Variants in MYOM1 observed in about 807,000 individuals in gnomAD.
MYOM1 encodes the protein myomesin 1, also known as myomesin-1.
A neutral mutation model predicts 205.3 loss-of-function variants in MYOM1; 164 were observed. The observed-to-expected ratio is 0.80, with a 90% confidence interval of 0.70 to 0.91. The LOEUF (loss-of-function observed/expected upper bound fraction) is 0.91, where lower values mean the gene tolerates loss of function less well. Ranked by LOEUF, MYOM1 falls within the 40% of genes least tolerant of loss-of-function variation. MYOM1 has a pLI of 0.00. For missense variants in MYOM1, 2,011 were observed against 2,127.3 expected (o/e 0.95, Z 1.08); for synonymous variants, 772 against 789.4 (o/e 0.98, Z 0.37).
chr18:3,092,575 A>G (rs1358356488), intron 26 of MYOM1, among the ~76,000 whole-genome samples: 5 of 149,870 alleles, frequency 3.3e-5, no homozygotes, highest in African/African-American at 1.2e-4. Flanking sequence ...TTTTTTTCCC[A>G]GAATGTAAAG....
chr18:3,116,376 C>T lies in MYOM1; in HGVS notation c.3258G>A (p.Gln1086=), dbSNP rs776698468. ...DLKEAKAKED[Q]WRGLNEAAIK... ...TAGCCGCCTCATTGAGCCCTCGCCACTGGTCTTCTTTGGCCTTGGCCTCCT... is the reference window on the plus strand; with the variant it reads ...TAGCCGCCTCATTGAGCCCTCGCCATTGGTCTTCTTTGGCCTTGGCCTCCT... The change falls in exon 21 of 38, where the codon CAG becomes CAA. Residue 1086 remains glutamine (Q), a synonymous_variant. Coordinates refer to ENST00000356443, the MANE Select transcript of MYOM1 (RefSeq NM_003803.4). 1.2e-6 allele frequency: 2 copies of T among 1,613,190 alleles called. No individual in the cohort carries two copies. The highest frequency in any genetic ancestry group is 4.5e-5 in the East Asian group (2 of 44,878).
At chr18:3,127,101 G>A (rs980803509) in intron 18 of MYOM1, among the ~76,000 whole-genome samples, 1 of 151,754 alleles carries the variant, frequency 6.6e-6, no homozygotes, top group Non-Finnish European at 1.5e-5. Context: ...AAGATAAAAT[G>A]AACCTGTCCT....
chr18:3,150,989 TTTTTTTTTTTTCATTTTTTTCA>T (rs2080211659), intron 12 of MYOM1, among the ~76,000 whole-genome samples: 3 of 149,438 alleles, frequency 2.0e-5, no homozygotes, highest in African/African-American at 7.4e-5. Flanking sequence ...CTTTTTTTTT[TTTTTTTTTTTTCATTTTTTTCA>T]TTTTTTTTTT....
At chr18:3,165,774 T>C (rs1356529576) in intron 9 of MYOM1, among the ~76,000 whole-genome samples, 1 of 152,234 alleles carries the variant, frequency 6.6e-6, no homozygotes, top group Non-Finnish European at 1.5e-5. Flanking sequence ...GTCCCTATGC[T>C]GCCTCCATGC....
chr18:3,171,706 A>G (rs754438046), intron 8 of MYOM1, among the ~76,000 whole-genome samples: 20 of 152,158 alleles, frequency 1.3e-4, no homozygotes, highest in Non-Finnish European at 2.6e-4. Context: ...AAAAATAAAA[A>G]GAAGTACAGT....
In MYOM1 at chr18:3,189,515, T is replaced by C. The variant is rs1255248973; in HGVS notation, c.432-428A>G. ...CTGGGATTACAGGCTCCTGCTACCA[T>C]GCCTGGCTAATATTTTGTAATTTTA... On this transcript the variant is annotated intron_variant, in intron 3 of 37. Transcript: ENST00000356443. This position sits in a 1 kb window ranked among gnomAD's most constrained non-coding sequence, Gnocchi z 4.8. Among the ~76,000 whole-genome samples the C allele has an allele frequency of 1.3e-5, 2 of 152,114 alleles. No homozygotes were observed. Among genetic ancestry groups the C allele is most frequent in the Non-Finnish European group, 2.9e-5 (2 of 68,000 alleles).
At chr18:3,069,181 C>G (rs1241660274) in intron 37 of MYOM1, among the ~76,000 whole-genome samples, 1 of 152,178 alleles carries the variant, frequency 6.6e-6, no homozygotes, top group East Asian at 1.9e-4. Context: ...GGTTTCTCCA[C>G]AGCCTCCCCA....
chr18:3,090,843 A>C (rs747067273), intron 26 of MYOM1, 41 bp from the exon 27 acceptor site: 2 of 1,610,602 alleles, frequency 1.2e-6, no homozygotes, highest in South Asian at 1.1e-5. Flanking sequence ...TCACTGAGGC[A>C]TATATTTTAC....
At chr18:3,231,895 G>T in the MYOM1 span, among the ~76,000 whole-genome samples, 1 of 140,662 alleles carries the variant, frequency 7.1e-6, no homozygotes, top group African/African-American at 2.7e-5. Flanking sequence ...CCTGTTCCTT[G>T]CAATCAAACA....
intron 18 of MYOM1, among the ~76,000 whole-genome samples, chr18:3,128,426 G>A (rs1353074694): frequency 2.0e-5 from 3 of 152,124 alleles, no homozygotes; most frequent in Non-Finnish European, 2.9e-5. Context: ...ATGTCTCCTA[G>A]GATATATTAG....
chr18:3,067,814 A>G (rs2078915481), intron 37 of MYOM1, among the ~76,000 whole-genome samples: 1 of 152,162 alleles, frequency 6.6e-6, no homozygotes, highest in South Asian at 2.1e-4. Context: ...CTTATTATCA[A>G]AAACACACGA....
intron 33 of MYOM1, 126 bp from the exon 34 acceptor site, chr18:3,079,468 G>T: frequency 1.9e-6 from 2 of 1,060,500 alleles, no homozygotes; most frequent in Non-Finnish European, 2.6e-6. Context: ...ATCTGCATAT[G>T]TTATTCTTCT....
At chr18:3,240,957 G>A in the MYOM1 span, among the ~76,000 whole-genome samples, 1 of 152,134 alleles carries the variant, frequency 6.6e-6, no homozygotes, top group South Asian at 2.1e-4. Context: ...AGAGATTTGT[G>A]GAACTCCGAA....
the MYOM1 span, among the ~76,000 whole-genome samples, chr18:3,243,796 T>A: frequency 6.6e-6 from 1 of 152,202 alleles, no homozygotes. Context: ...ATAATGTCTA[T>A]CTCACAGGGT....
rs778477085 is a variant in MYOM1, at chr18:3,193,903, G to C, written c.346C>G (p.Pro116Ala). The C allele has an allele frequency of 9.3e-6, 15 of 1,613,800 alleles. No individual in the cohort carries two copies. In the Admixed American group the frequency reaches 2.5e-4, roughly 27 times the overall value. Residue 116 changes from proline to alanine, a missense_variant, in exon 3 of 38, where the codon CCA (proline) becomes GCA (alanine). Coordinates refer to ENST00000356443, the MANE Select transcript of MYOM1 (RefSeq NM_003803.4). ...AGTAGGCTGTGCTTGGCTCTCTTTG[G>C]TTTGGGGCTCAACTTGGATGAATAA... is the stretch of plus-strand genomic sequence containing the variant. ...DDYSSKLSPK[P>A]KRAKHSLLSG... is the part of the protein sequence containing the mutation.
At chr18:3,148,716 G>T (rs909899716) in intron 13 of MYOM1, among the ~76,000 whole-genome samples, 25 of 151,070 alleles carry the variant, frequency 1.7e-4, no homozygotes, top group Non-Finnish European at 3.3e-4. Context: ...CGTAGTGGCG[G>T]GCGCCTGTAG....
intron 11 of MYOM1, among the ~76,000 whole-genome samples, chr18:3,154,465 A>G (rs72860249): frequency 0.16 from 23,754 of 151,786 alleles, 2,282 homozygotes; most frequent in East Asian, 0.26. Flanking sequence ...ATATCTACCT[A>G]CCTATTTACC....
chr18:3,184,474 GCTAA>G (rs950803308), intron 5 of MYOM1, among the ~76,000 whole-genome samples: 7 of 152,160 alleles, frequency 4.6e-5, no homozygotes, highest in African/African-American at 1.7e-4. Context: ...TCAGTTATCT[GCTAA>G]CTGATTGTCC....
chr18:3,228,836 A>C, the MYOM1 span, among the ~76,000 whole-genome samples: 1 of 152,140 alleles, frequency 6.6e-6, no homozygotes, highest in Non-Finnish European at 1.5e-5. The surrounding 1 kb of genome is among the most constrained non-coding windows in gnomAD (Gnocchi z 4.5). Context: ...AATTTCACAC[A>C]AATGGAATCC....
Sources: gnomAD v4.1 joint callset for allele counts (sites outside exome capture counted in the v4.1 genomes callset) on GRCh38, gnomAD v4.1.1 for gene constraint, Gnocchi (gnomAD v3.1) non-coding constraint, MANE v1.5 for transcripts, NCBI Gene and HGNC (gene_info 2026-07-23, HGNC 2026-07-21) for gene names.